Variants in LRMDA observed in about 807,000 individuals in gnomAD.
LRMDA encodes leucine-rich melanocyte differentiation-associated protein.
In LRMDA, 18 loss-of-function variants were observed where a neutral mutation model predicts 29.8. That is an observed-to-expected ratio of 0.60 (90% confidence interval 0.42 to 0.90). The LOEUF (loss-of-function observed/expected upper bound fraction) is 0.90. Among genes scored for constraint, LRMDA ranks in the 40% least tolerant of loss-of-function variants. LRMDA has a pLI of 0.00. For synonymous variants in LRMDA, 125 were observed against 109.4 expected, an observed-to-expected ratio of 1.14 and a Z score of -0.89; for missense variants, 273 against 273.9, an observed-to-expected ratio of 1.00 and a Z score of 0.02.
intron 5 of LRMDA, among the ~76,000 whole-genome samples, chr10:76,124,963 G>A (rs1564659216): frequency 6.6e-6 from 1 of 152,196 alleles, no homozygotes; most frequent in Non-Finnish European, 1.5e-5. Flanking sequence ...AGAGAAATGT[G>A]TGCTATAATC....
intron 2 of LRMDA, among the ~76,000 whole-genome samples, chr10:75,786,586 G>T (rs999891809): frequency 6.6e-6 from 1 of 151,860 alleles, no homozygotes; most frequent in Non-Finnish European, 1.5e-5. Context: ...GATTCAAATG[G>T]TATCTATTCT....
At position 75,717,937 on chromosome 10, in the gene LRMDA, G is replaced by T. The variant is rs11001480; in HGVS notation, c.131+279443G>T. On this transcript the variant is annotated intron_variant, in intron 2 of 6. Transcript: ENST00000611255. The stretch of plus-strand genomic sequence containing the variant: ...ATAACATTAATTATGATTATTTTTA[G>T]ATTTTTAAAGTGTTTTATTGCCTCA... 4.1e-3 allele frequency among the ~76,000 whole-genome samples: 625 copies of T among 152,210 alleles called. 23 individuals carry two copies. In the East Asian group the frequency reaches 0.088, roughly 22 times the overall value.
At chr10:76,194,910 G>A (rs1851307202) in intron 5 of LRMDA, among the ~76,000 whole-genome samples, 1 of 152,176 alleles carries the variant, frequency 6.6e-6, no homozygotes, top group Admixed American at 6.5e-5. Flanking sequence ...GACAATGATG[G>A]AATGTGTCCT....
chr10:76,442,247 C>T (rs1462748235), intron 6 of LRMDA, among the ~76,000 whole-genome samples: 1 of 152,118 alleles, frequency 6.6e-6, no homozygotes, highest in East Asian at 1.9e-4. Flanking sequence ...AATGAAGTAA[C>T]TGACGGAAAA....
chr10:75,560,651 T>C (rs1227959209), intron 2 of LRMDA, among the ~76,000 whole-genome samples: 1 of 150,472 alleles, frequency 6.6e-6, no homozygotes, highest in Non-Finnish European at 1.5e-5. Flanking sequence ...GCCCATTCAG[T>C]ATGATATTGG....
At chr10:76,396,746 CTT>C (rs1297982168) in intron 6 of LRMDA, among the ~76,000 whole-genome samples, 2 of 152,200 alleles carry the variant, frequency 1.3e-5, no homozygotes, top group African/African-American at 2.4e-5. Context: ...TATGGGGTAA[CTT>C]GTCTCCAATG....
At chr10:75,565,373 A>G (rs1161942212) in intron 2 of LRMDA, among the ~76,000 whole-genome samples, 1 of 152,244 alleles carries the variant, frequency 6.6e-6, no homozygotes, top group Non-Finnish European at 1.5e-5. Context: ...GTTGGCAGCC[A>G]TTCATGGAGG....
At chr10:76,237,740 T>C (rs1852179159) in intron 5 of LRMDA, among the ~76,000 whole-genome samples, 1 of 150,818 alleles carries the variant, frequency 6.6e-6, no homozygotes, top group Admixed American at 6.6e-5. Context: ...CTTCCTGTGA[T>C]TGCAACCTAA....
chr10:75,682,616 G>A (rs1201137654), intron 2 of LRMDA, among the ~76,000 whole-genome samples: 3 of 152,080 alleles, frequency 2.0e-5, no homozygotes, highest in African/African-American at 7.2e-5. Context: ...GGAAATTAAC[G>A]ATCATCAGCA....
intron 2 of LRMDA, among the ~76,000 whole-genome samples, chr10:75,992,286 T>C (rs1404167032): frequency 6.6e-6 from 1 of 152,134 alleles, no homozygotes; most frequent in Non-Finnish European, 1.5e-5. Flanking sequence ...CATAGATGCA[T>C]CCTCCGAGTA....
At chr10:76,320,143 T>C (rs1347251245) in intron 5 of LRMDA, among the ~76,000 whole-genome samples, 1 of 152,258 alleles carries the variant, frequency 6.6e-6, no homozygotes, top group Non-Finnish European at 1.5e-5. Flanking sequence ...TAGAATACAC[T>C]GTATGTGCAT....
chr10:76,297,587 G>T (rs142674404), intron 5 of LRMDA, among the ~76,000 whole-genome samples: 1 of 152,258 alleles, frequency 6.6e-6, no homozygotes, highest in Non-Finnish European at 1.5e-5. Flanking sequence ...GTAGGAGGTC[G>T]TTCTGTTCGA....
At chr10:76,202,875 A>G (rs976124658) in intron 5 of LRMDA, among the ~76,000 whole-genome samples, 4 of 152,134 alleles carry the variant, frequency 2.6e-5, no homozygotes, top group Non-Finnish European at 4.4e-5. Flanking sequence ...GGTTGATGAC[A>G]GTTATCCCTG....
intron 5 of LRMDA, among the ~76,000 whole-genome samples, chr10:76,203,453 T>C (rs1331828663): frequency 6.6e-6 from 1 of 152,366 alleles, no homozygotes; most frequent in East Asian, 1.9e-4. Flanking sequence ...AAAGTATTTT[T>C]TAATCTCTGT....
chr10:76,316,298 C>T (rs549025139), intron 5 of LRMDA, among the ~76,000 whole-genome samples: 2 of 152,300 alleles, frequency 1.3e-5, no homozygotes, highest in South Asian at 2.1e-4. Flanking sequence ...ACTTGCAGGA[C>T]GCCTGGTCCA....
chr10:75,930,119 T>A (rs1221122779), intron 2 of LRMDA, among the ~76,000 whole-genome samples: 1 of 152,230 alleles, frequency 6.6e-6, no homozygotes. Flanking sequence ...GCGAATAGAT[T>A]TATGCTCTGC....
intron 5 of LRMDA, among the ~76,000 whole-genome samples, chr10:76,308,644 C>G (rs796833249): frequency 1.3e-5 from 2 of 152,188 alleles, no homozygotes; most frequent in African/African-American, 4.8e-5. Flanking sequence ...CTCTCCTGCT[C>G]TCACCTCTCT....
At chr10:76,146,544 G>T (rs2395341) in intron 5 of LRMDA, among the ~76,000 whole-genome samples, 2 of 151,788 alleles carry the variant, frequency 1.3e-5, no homozygotes, top group Non-Finnish European at 2.9e-5. Context: ...CATTTGCTTG[G>T]TAGATCTTCC....
In LRMDA at chr10:76,062,652, CTCTCTG is replaced by C. The variant is rs1848719710; in HGVS notation, c.516+3871_516+3876del. Among the ~76,000 whole-genome samples the C allele has an allele frequency of 2.6e-5, 3 of 114,958 alleles. No individual in the cohort carries two copies. In the Admixed American group the frequency reaches 2.8e-4, roughly 11 times the overall value. 75.4% of individuals were successfully genotyped at this position (114,958 alleles called of 152,430 possible). A position where few individuals can be genotyped will look rare whatever the true frequency, so the allele number is the denominator to read the frequency against. On this transcript the variant is annotated intron_variant, in intron 5 of 6. Transcript: ENST00000611255. The stretch of plus-strand genomic sequence containing the variant: ...TACAATGGATGCTTCCAGACTTTAT[CTCTCTG>C]TGTGTGTGTGTGTGTGTGTGTGTGT...
Sources: allele counts gnomAD v4.1 joint callset (sites outside exome capture counted in the v4.1 genomes callset), GRCh38; gene constraint gnomAD v4.1.1; transcripts MANE v1.5; gene names NCBI Gene and HGNC (gene_info 2026-07-23, HGNC 2026-07-21).